Variants in TSHR observed in about 807,000 individuals in gnomAD.
TSHR encodes the protein thyroid stimulating hormone receptor.
A neutral mutation model predicts 64.1 loss-of-function variants in TSHR; 51 were observed. That is an observed-to-expected ratio of 0.80 (90% CI 0.64 to 1.01). TSHR has a LOEUF of 1.01. Ranked by LOEUF, TSHR falls within the 50% of genes least tolerant of loss-of-function variation. The pLI is 0.00. For synonymous variants in TSHR, 361 were observed against 361.9 expected, an observed-to-expected ratio of 1.00 and a Z score of 0.03; for missense variants, 877 against 942.8, an observed-to-expected ratio of 0.93 and a Z score of 0.91.
At chr14:81,042,057 A>C (rs904695426) in intron 1 of TSHR, among the ~76,000 whole-genome samples, 12 of 152,192 alleles carry the variant, frequency 7.9e-5, no homozygotes, top group African/African-American at 2.7e-4. Flanking sequence ...TAACATTACC[A>C]ATCATCAGAG....
At chr14:81,023,515 T>A (rs968313343) in intron 1 of TSHR, among the ~76,000 whole-genome samples, 2 of 152,098 alleles carry the variant, frequency 1.3e-5, no homozygotes, top group African/African-American at 4.8e-5. Flanking sequence ...AGATGTGTGT[T>A]TGGGGGCAAG....
intron 1 of TSHR, among the ~76,000 whole-genome samples, chr14:80,962,114 T>G (rs1190221207): frequency 1.3e-5 from 2 of 152,172 alleles, no homozygotes; most frequent in Non-Finnish European, 2.9e-5. Flanking sequence ...TTTCTCCATC[T>G]ATAAAAAAAG....
At position 81,139,832 on chromosome 14, in the gene TSHR, C is replaced by A. The variant is rs754816258; in HGVS notation, c.846C>A (p.His282Gln). 6.2e-7 allele frequency: 1 copy of A among 1,614,230 alleles called. No individual in the cohort carries two copies. Among genetic ancestry groups the A allele is most frequent in the South Asian group, 1.1e-5 (1 of 91,088 alleles). Residue 282 changes from histidine (H) to glutamine (Q), a missense_variant, in exon 9 of 10, where the codon CAC (histidine) becomes CAA (glutamine). Physicochemically the swap from His to Gln is conservative, Grantham distance 24 (BLOSUM62 0). Coordinates refer to ENST00000298171, the MANE Select transcript of TSHR (RefSeq NM_000369.5). ...LTRADLSYPS[H>Q]CCAFKNQKKI... ...GGGCTGACCTTTCTTACCCAAGCCA[C>A]TGCTGTGCTTTTAAGAATCAGAAGA...
chr14:81,001,789 A>G, intron 1 of TSHR: 1 of 332,826 alleles, frequency 3.0e-6, no homozygotes, highest in Admixed American at 3.6e-5. Flanking sequence ...TCGAGTGAAC[A>G]GAAAACTATT....
chr14:81,140,790 G>A (rs1249363950), intron 9 of TSHR, among the ~76,000 whole-genome samples: 1 of 152,130 alleles, frequency 6.6e-6, no homozygotes, highest in Non-Finnish European at 1.5e-5. Context: ...TCAGATCTAG[G>A]TGTGAGGGCA....
chr14:80,980,605 T>G (rs1348163754), intron 1 of TSHR, among the ~76,000 whole-genome samples: 2 of 152,254 alleles, frequency 1.3e-5, no homozygotes, highest in Non-Finnish European at 2.9e-5. Flanking sequence ...CTGTAATATG[T>G]GTAGATATTG....
intron 8 of TSHR, among the ~76,000 whole-genome samples, chr14:81,117,611 T>C (rs1377190440): frequency 7.2e-6 from 1 of 138,520 alleles, no homozygotes; most frequent in African/African-American, 2.9e-5. Flanking sequence ...GAGGAAATGG[T>C]ACCATTCCTT....
intron 8 of TSHR, among the ~76,000 whole-genome samples, chr14:81,110,787 A>G (rs963777565): frequency 2.0e-5 from 3 of 152,192 alleles, no homozygotes; most frequent in Admixed American, 2.0e-4. Context: ...TTCTTGGTGA[A>G]ACACCCATCT....
At chr14:81,001,682 C>T (rs1255713376) in intron 1 of TSHR, 2 of 509,612 alleles carry the variant, frequency 3.9e-6, no homozygotes, top group Non-Finnish European at 3.9e-6. Flanking sequence ...TTCGTACAGG[C>T]ACACCCTTGT....
chr14:81,044,839 G>T (rs1487737129), intron 1 of TSHR, among the ~76,000 whole-genome samples: 1 of 152,072 alleles, frequency 6.6e-6, no homozygotes, highest in African/African-American at 2.4e-5. Context: ...AAGACTGTGT[G>T]GTGATTCCTC....
chr14:81,041,138 T>C lies in TSHR; in HGVS notation c.171-21010T>C, dbSNP rs142636460. On this transcript the variant is annotated intron_variant, in intron 1 of 9. Coordinates refer to ENST00000298171, the MANE Select transcript of TSHR (RefSeq NM_000369.5). ...CAAAAACCTAAAGACAGAAATACCATTCAACCCAGCAATCCCATTACTCAT... is the reference window on the plus strand; with the variant it reads ...CAAAAACCTAAAGACAGAAATACCACTCAACCCAGCAATCCCATTACTCAT... 2.0e-3 allele frequency among the ~76,000 whole-genome samples: 306 copies of C among 152,206 alleles called. 2 individuals carry two copies. The highest frequency in any genetic ancestry group is 3.6e-3 in the Non-Finnish European group (245 of 67,990).
intron 1 of TSHR, chr14:80,993,231 T>C (rs932961933): frequency 6.6e-6 from 1 of 152,152 alleles, no homozygotes; most frequent in Non-Finnish European, 1.5e-5. Context: ...GTTCTAAAGA[T>C]CACAGCTGTT....
chr14:81,060,604 C>A (rs1032245925), intron 1 of TSHR, among the ~76,000 whole-genome samples: 13 of 152,166 alleles, frequency 8.5e-5, no homozygotes, highest in Admixed American at 3.3e-4. Flanking sequence ...AGGCAAGTTA[C>A]AGATATATTT....
At chr14:81,130,430 T>C (rs1435848358) in intron 8 of TSHR, among the ~76,000 whole-genome samples, 1 of 152,218 alleles carries the variant, frequency 6.6e-6, no homozygotes, top group Admixed American at 6.5e-5. Context: ...AATGTATTCT[T>C]CTTTTGGCTT....
intron 7 of TSHR, among the ~76,000 whole-genome samples, chr14:81,097,214 TTTC>T (rs1229819320): frequency 6.6e-6 from 1 of 152,224 alleles, no homozygotes. Context: ...TTTTTGAGTA[TTTC>T]TTTACAAATG....
At chr14:81,077,576 C>A (rs1342693527) in intron 3 of TSHR, among the ~76,000 whole-genome samples, 1 of 152,168 alleles carries the variant, frequency 6.6e-6, no homozygotes, top group Admixed American at 6.5e-5. Context: ...ATAACTACAT[C>A]TTTATATTTA....
At chr14:81,002,513 T>C (rs994155950) in intron 1 of TSHR, among the ~76,000 whole-genome samples, 12 of 152,214 alleles carry the variant, frequency 7.9e-5, no homozygotes, top group Admixed American at 4.6e-4. Flanking sequence ...CTCTAGCACA[T>C]AGTAAGCACT....
intron 1 of TSHR, among the ~76,000 whole-genome samples, chr14:81,006,670 G>T (rs997933459): frequency 2.0e-5 from 3 of 151,932 alleles, no homozygotes; most frequent in African/African-American, 7.3e-5. Flanking sequence ...ACACCACCAT[G>T]CCCAGCTAAT....
At chr14:81,057,981 A>G (rs986984590) in intron 1 of TSHR, among the ~76,000 whole-genome samples, 1 of 152,242 alleles carries the variant, frequency 6.6e-6, no homozygotes, top group Non-Finnish European at 1.5e-5. Flanking sequence ...AGATGTTGGA[A>G]TGTTGATTGG....
Sources: gnomAD v4.1 joint callset for allele counts (sites outside exome capture counted in the v4.1 genomes callset) on GRCh38, gnomAD v4.1.1 for gene constraint, MANE v1.5 for transcripts, NCBI Gene and HGNC (gene_info 2026-07-23, HGNC 2026-07-21) for gene names.